The following RBFOX1 variants were observed in gnomAD, a reference collection of about 807,000 sequenced individuals.
RBFOX1 encodes RNA binding protein fox-1 homolog 1.
RBFOX1 carries 8 observed loss-of-function variants against 57.7 expected under a neutral mutation model. That is an observed-to-expected ratio of 0.14 (90% CI 0.08 to 0.25). The LOEUF (loss-of-function observed/expected upper bound fraction) is 0.25. Among genes scored for constraint, RBFOX1 ranks in the 10% least tolerant of loss-of-function variants. The probability of loss-of-function intolerance (pLI) is 1.00; values close to 1 mark genes in which losing one functional copy is unlikely to be tolerated. For missense variants in RBFOX1, 611 were observed against 548.5 expected (o/e 1.11, Z -1.14); for synonymous variants, 326 against 222.4 (o/e 1.47, Z -4.15).
intron 4 of RBFOX1, among the ~76,000 whole-genome samples, chr16:7,227,804 A>C (rs2093241735): frequency 6.6e-6 from 1 of 152,072 alleles, no homozygotes; most frequent in South Asian, 2.1e-4. Context: ...CTACCTCATC[A>C]CGGCAGCTGC....
chr16:6,372,066 G>C (rs1422055653), intron 2 of RBFOX1, among the ~76,000 whole-genome samples: 1 of 152,300 alleles, frequency 6.6e-6, no homozygotes, highest in Middle Eastern at 3.4e-3. Flanking sequence ...GGTTGGTTAG[G>C]ATCATTGGGT....
intron 3 of RBFOX1, among the ~76,000 whole-genome samples, chr16:6,977,092 A>G (rs1204139836): frequency 7.0e-6 from 1 of 143,536 alleles, no homozygotes; most frequent in South Asian, 2.1e-4. Flanking sequence ...TCTATATTTT[A>G]TATATATATC....
At chr16:5,943,642 G>A (rs868268107) in intron 4 of RBFOX1, among the ~76,000 whole-genome samples, 1 of 152,272 alleles carries the variant, frequency 6.6e-6, no homozygotes, top group South Asian at 2.1e-4. Flanking sequence ...TGATTTATCT[G>A]TGAAATGGAG....
chr16:7,505,198 C>T (rs2072841769), intron 4 of RBFOX1, among the ~76,000 whole-genome samples: 1 of 148,194 alleles, frequency 6.7e-6, no homozygotes, highest in African/African-American at 2.5e-5. Context: ...CATGTGTGTG[C>T]ACCTCAGACA....
At chr16:6,712,255 C>T (rs183177289) in intron 3 of RBFOX1, among the ~76,000 whole-genome samples, 2 of 152,262 alleles carry the variant, frequency 1.3e-5, no homozygotes, top group African/African-American at 4.8e-5. Context: ...GCTATGAACC[C>T]TTAAGTGTCA....
At chr16:7,602,493 G>A (rs987808876) in intron 9 of RBFOX1, among the ~76,000 whole-genome samples, 30 of 152,166 alleles carry the variant, frequency 2.0e-4, no homozygotes, top group African/African-American at 6.8e-4. Flanking sequence ...GAATTTGCAA[G>A]GCCTGGGGAC....
chr16:7,078,234 A>G (rs2058606983), intron 4 of RBFOX1, among the ~76,000 whole-genome samples: 1 of 152,202 alleles, frequency 6.6e-6, no homozygotes. Flanking sequence ...TGTCCACTAT[A>G]CAGAGTTTTT....
intron 2 of RBFOX1, among the ~76,000 whole-genome samples, chr16:6,432,009 T>A (rs2094114494): frequency 6.6e-6 from 1 of 151,696 alleles, no homozygotes; most frequent in East Asian, 2.0e-4. Context: ...TCACCAAGGC[T>A]GTAGTGCCAC....
chr16:7,443,298 C>T (rs1363311273), intron 4 of RBFOX1, among the ~76,000 whole-genome samples: 2 of 152,070 alleles, frequency 1.3e-5, no homozygotes, highest in African/African-American at 2.4e-5. Flanking sequence ...TAGAAGGTTA[C>T]AGAAAATGCT....
chr16:7,094,155 C>G (rs1360910911), intron 4 of RBFOX1, among the ~76,000 whole-genome samples: 1 of 151,366 alleles, frequency 6.6e-6, no homozygotes, highest in Non-Finnish European at 1.5e-5. Context: ...ATTTTCCAAA[C>G]CTTCAGACAA....
chr16:6,129,938 CA>C (rs946718182), intron 1 of RBFOX1, among the ~76,000 whole-genome samples: 6 of 151,792 alleles, frequency 4.0e-5, no homozygotes, highest in Non-Finnish European at 8.8e-5. Context: ...GTATGACTGG[CA>C]AAAATATTCT....
chr16:7,383,889 C>G (rs561786215), intron 4 of RBFOX1, among the ~76,000 whole-genome samples: 1 of 152,028 alleles, frequency 6.6e-6, no homozygotes, highest in East Asian at 2.0e-4. Context: ...ATACCATCTA[C>G]TAAAAATACA....
chr16:5,322,718 G>A (rs139476817), intron 1 of RBFOX1, among the ~76,000 whole-genome samples: 184 of 152,266 alleles, frequency 1.2e-3, no homozygotes, highest in African/African-American at 4.1e-3. Context: ...TGAGTCATGC[G>A]ACTTCTAATG....
chr16:7,259,846 A>T (rs1208050310), intron 4 of RBFOX1, among the ~76,000 whole-genome samples: 3 of 152,174 alleles, frequency 2.0e-5, no homozygotes, highest in Non-Finnish European at 2.9e-5. Flanking sequence ...TGTAATAAGA[A>T]TCTAGTATAC....
downstream of RBFOX1, among the ~76,000 whole-genome samples, chr16:5,602,813 GT>G (rs2047409905): frequency 1.3e-5 from 2 of 152,088 alleles, no homozygotes; most frequent in South Asian, 4.1e-4. Flanking sequence ...TAATAATGTA[GT>G]TGTAATAATA....
intron 3 of RBFOX1, among the ~76,000 whole-genome samples, chr16:5,815,303 T>G (rs1430944676): frequency 6.6e-6 from 1 of 151,898 alleles, no homozygotes; most frequent in Non-Finnish European, 1.5e-5. Flanking sequence ...CTGATTTCCT[T>G]TCCAATGTCT....
At chr16:6,094,386 A>G (rs182320700) in intron 1 of RBFOX1, among the ~76,000 whole-genome samples, 1 of 152,334 alleles carries the variant, frequency 6.6e-6, no homozygotes, top group Admixed American at 6.5e-5. Context: ...GCATTTAGGC[A>G]AAGAGGGAAC....
chr16:6,452,343 C>T (rs932228494), intron 2 of RBFOX1, among the ~76,000 whole-genome samples: 4 of 151,916 alleles, frequency 2.6e-5, no homozygotes, highest in African/African-American at 9.7e-5. Context: ...TCCATGGCTC[C>T]ATCCATGGCT....
chr16:7,404,374 T>G (rs2148892567), intron 4 of RBFOX1, among the ~76,000 whole-genome samples: 1 of 152,274 alleles, frequency 6.6e-6, no homozygotes, highest in South Asian at 2.1e-4. Context: ...TTATTTAGTG[T>G]CACCTTGTAG....
Sources: gnomAD v4.1 joint callset for allele counts (sites outside exome capture counted in the v4.1 genomes callset) on GRCh38, gnomAD v4.1.1 for gene constraint, MANE v1.5 for transcripts, NCBI Gene and HGNC (gene_info 2026-07-23, HGNC 2026-07-21) for gene names.